The following ABCD3 variants were observed in gnomAD, a reference collection of about 807,000 sequenced individuals.
ABCD3 encodes ATP binding cassette subfamily D member 3.
ABCD3 carries 41 observed loss-of-function variants against 105.5 expected under a neutral mutation model. That is an observed-to-expected ratio of 0.39 (90% CI 0.30 to 0.50). The LOEUF (loss-of-function observed/expected upper bound fraction) is 0.50. Among genes scored for constraint, ABCD3 ranks in the 20% least tolerant of loss-of-function variants. The pLI is 0.84. For missense variants in ABCD3, 622 were observed against 806.3 expected (o/e 0.77, Z 2.77); for synonymous variants, 258 against 269.0 (o/e 0.96, Z 0.40).
chr1:94,436,216 C>G (rs2100901372), intron 1 of ABCD3, among the ~76,000 whole-genome samples: 1 of 152,312 alleles, frequency 6.6e-6, no homozygotes, highest in African/African-American at 2.4e-5. Context: ...ACTGACACTT[C>G]CAATCCACAT....
intron 21 of ABCD3, among the ~76,000 whole-genome samples, chr1:94,509,471 T>C (rs916580080): frequency 5.3e-5 from 8 of 152,096 alleles, no homozygotes; most frequent in African/African-American, 1.7e-4. Context: ...TGTCTCTGCC[T>C]GGCTTTGGTA....
chr1:94,400,934 A>C, the ABCD3 span, among the ~76,000 whole-genome samples: 3 of 152,214 alleles, frequency 2.0e-5, no homozygotes, highest in East Asian at 5.8e-4. Flanking sequence ...CAATCTGTTA[A>C]TGGATTCATG....
intron 1 of ABCD3, among the ~76,000 whole-genome samples, chr1:94,432,040 A>G (rs374150541): frequency 2.6e-5 from 4 of 152,158 alleles, no homozygotes; most frequent in African/African-American, 9.7e-5. Flanking sequence ...ACATTTCTGT[A>G]TGTATTTTAT....
chr1:94,430,830 A>G (rs1179928057), intron 1 of ABCD3, among the ~76,000 whole-genome samples: 2 of 152,224 alleles, frequency 1.3e-5, no homozygotes, highest in African/African-American at 4.8e-5. Context: ...AAAATTAAAT[A>G]TGACTTTAAT....
At chr1:94,515,589 A>T (rs1391441263) in intron 22 of ABCD3, among the ~76,000 whole-genome samples, 1 of 152,012 alleles carries the variant, frequency 6.6e-6, no homozygotes, top group Non-Finnish European at 1.5e-5. Flanking sequence ...ACAAGGGGGA[A>T]GATTGAATAA....
chr1:94,492,209 C>A (rs1235274106), intron 16 of ABCD3, among the ~76,000 whole-genome samples: 1 of 152,114 alleles, frequency 6.6e-6, no homozygotes, highest in East Asian at 1.9e-4. Context: ...TGCTAATGTG[C>A]ATGGCCATCT....
chr1:94,502,383 A>G (rs1479039465), intron 20 of ABCD3, among the ~76,000 whole-genome samples: 1 of 152,136 alleles, frequency 6.6e-6, no homozygotes, highest in Non-Finnish European at 1.5e-5. Flanking sequence ...AATGACAGCT[A>G]ATTTTTATTG....
chr1:94,426,091 C>T (rs1659457351), intron 1 of ABCD3, among the ~76,000 whole-genome samples: 1 of 152,180 alleles, frequency 6.6e-6, no homozygotes, highest in South Asian at 2.1e-4. Flanking sequence ...AAAAGGACAA[C>T]AAAACATACC....
In ABCD3 at chr1:94,462,519, C is replaced by T. The variant is rs143104696; in HGVS notation, c.148-2256C>T. ...AGTTAGTTCCTTTCATGGATTGAAA[C>T]GTAATGAAAATCCATCAGGTTTCAG... On this transcript the variant is annotated intron_variant, in intron 2 of 22. Transcript: ENST00000370214. Among the ~76,000 whole-genome samples, 528 of 152,104 alleles carry T rather than the reference C, an allele frequency of 3.5e-3. 3 individuals carry two copies. The highest frequency in any genetic ancestry group is 0.012 in the African/African-American group (488 of 41,480).
chr1:94,429,424 A>C (rs1387426122), intron 1 of ABCD3, among the ~76,000 whole-genome samples: 1 of 152,188 alleles, frequency 6.6e-6, no homozygotes, highest in Non-Finnish European at 1.5e-5. Context: ...TCTCCAGGGC[A>C]TATCAGAGAC....
intron 1 of ABCD3, among the ~76,000 whole-genome samples, chr1:94,421,347 AC>A (rs1407973078): frequency 6.6e-6 from 1 of 152,094 alleles, no homozygotes; most frequent in East Asian, 1.9e-4. Context: ...TTTCTATCCC[AC>A]CAGAAAGTTC....
chr1:94,484,806 T>A (rs1432866447), intron 10 of ABCD3, among the ~76,000 whole-genome samples: 2 of 151,982 alleles, frequency 1.3e-5, no homozygotes, highest in Non-Finnish European at 2.9e-5. Flanking sequence ...AAAAAAAAAT[T>A]AAGTGTATTT....
intron 16 of ABCD3, among the ~76,000 whole-genome samples, chr1:94,494,434 G>A (rs1649698113): frequency 6.6e-6 from 1 of 152,160 alleles, no homozygotes. Context: ...TTCTAAAGTA[G>A]ACCTGGGTTT....
chr1:94,498,485 A>ATT (rs1649933366), intron 16 of ABCD3, 117 bp from the exon 17 acceptor site: 33 of 1,049,546 alleles, frequency 3.1e-5, no homozygotes, highest in Non-Finnish European at 4.6e-5. Flanking sequence ...TTTACAGACA[A>ATT]ATAGAAGGCT....
At chr1:94,496,790 C>T (rs1343463800) in intron 16 of ABCD3, among the ~76,000 whole-genome samples, 1 of 115,568 alleles carries the variant, frequency 8.7e-6, no homozygotes, top group Non-Finnish European at 1.6e-5. Context: ...TTTTTTGAGA[C>T]GGAGCCTTGC....
chr1:94,429,411 A>G (rs1398702860), intron 1 of ABCD3, among the ~76,000 whole-genome samples: 1 of 152,260 alleles, frequency 6.6e-6, no homozygotes, highest in African/African-American at 2.4e-5. Flanking sequence ...AATGGGGAAA[A>G]TGTCTCCAGG....
chr1:94,507,164 C>T (rs1451970511), intron 21 of ABCD3, among the ~76,000 whole-genome samples: 1 of 151,890 alleles, frequency 6.6e-6, no homozygotes, highest in Non-Finnish European at 1.5e-5. Context: ...CAACAGTCCC[C>T]AGAGTGTGAT....
At chr1:94,400,428 G>T in the ABCD3 span, among the ~76,000 whole-genome samples, 1 of 151,590 alleles carries the variant, frequency 6.6e-6, no homozygotes, top group Non-Finnish European at 1.5e-5. Flanking sequence ...GAAAGAAAAA[G>T]GAAAGTCATT....
chr1:94,462,503 C>T (rs2100970144), intron 2 of ABCD3, among the ~76,000 whole-genome samples: 1 of 152,194 alleles, frequency 6.6e-6, no homozygotes, highest in South Asian at 2.1e-4. Context: ...TAGTTAGTTC[C>T]TTTCATGGAT....
Sources: gnomAD v4.1 joint callset for allele counts (sites outside exome capture counted in the v4.1 genomes callset) on GRCh38, gnomAD v4.1.1 for gene constraint, MANE v1.5 for transcripts, NCBI Gene and HGNC (gene_info 2026-07-23, HGNC 2026-07-21) for gene names.